The following NALF1 variants were observed in gnomAD, a reference collection of about 807,000 sequenced individuals.
NALF1 encodes the protein NALCN channel auxiliary factor 1, also known as family with sequence similarity 155 member A.
A neutral mutation model predicts 48.4 loss-of-function variants in NALF1; 3 were observed. The ratio of observed to expected loss-of-function variants is 0.06; its 90% CI spans 0.03 to 0.16. NALF1 has a LOEUF of 0.16. NALF1 is among the 10% of genes least tolerant of loss of function. The probability of loss-of-function intolerance (pLI) is 1.00; values close to 1 mark genes in which losing one functional copy is unlikely to be tolerated. For synonymous variants in NALF1, 262 were observed against 245.7 expected (o/e 1.07, Z -0.62); for missense variants, 526 against 571.5 (o/e 0.92, Z 0.81).
At chr13:107,417,869 T>C (rs1265748246) in intron 1 of NALF1, among the ~76,000 whole-genome samples, 2 of 152,146 alleles carry the variant, frequency 1.3e-5, no homozygotes, top group Non-Finnish European at 2.9e-5. Flanking sequence ...AAGAACAGCC[T>C]GGCCAACATG....
chr13:107,555,196 G>A (rs1011950828), intron 1 of NALF1, among the ~76,000 whole-genome samples: 2 of 151,894 alleles, frequency 1.3e-5, no homozygotes, highest in African/African-American at 4.8e-5. Flanking sequence ...TGGATATTAC[G>A]CATTTCTTCA....
At chr13:107,788,129 T>C (rs971157538) in intron 1 of NALF1, among the ~76,000 whole-genome samples, 1 of 152,188 alleles carries the variant, frequency 6.6e-6, no homozygotes, top group African/African-American at 2.4e-5. Flanking sequence ...TCATCCTCCT[T>C]GTTTGAATCC....
chr13:107,636,189 C>T (rs1352959343), intron 1 of NALF1, among the ~76,000 whole-genome samples: 1 of 152,040 alleles, frequency 6.6e-6, no homozygotes, highest in Non-Finnish European at 1.5e-5. Flanking sequence ...TCCTGCACAG[C>T]GAAGAAGCAG....
intron 1 of NALF1, among the ~76,000 whole-genome samples, chr13:107,842,115 A>G (rs1880059229): frequency 6.6e-6 from 1 of 152,062 alleles, no homozygotes; most frequent in Admixed American, 6.6e-5. Flanking sequence ...GTGTATAATA[A>G]GGTAAAACAA....
At chr13:107,272,158 A>G (rs559175351) in intron 1 of NALF1, among the ~76,000 whole-genome samples, 1 of 152,122 alleles carries the variant, frequency 6.6e-6, no homozygotes, top group South Asian at 2.1e-4. Flanking sequence ...CGTATATAAA[A>G]TTAACATGTT....
intron 1 of NALF1, among the ~76,000 whole-genome samples, chr13:107,499,695 G>T (rs1043248221): frequency 1.3e-5 from 2 of 151,940 alleles, no homozygotes; most frequent in African/African-American, 4.8e-5. Context: ...AAGACCCAAG[G>T]GAAAAAATAA....
chr13:107,311,184 G>C (rs1216830782), intron 1 of NALF1, among the ~76,000 whole-genome samples: 2 of 151,998 alleles, frequency 1.3e-5, no homozygotes, highest in African/African-American at 4.8e-5. Context: ...TTTGCTTGAA[G>C]GTACTTCATC....
At chr13:107,324,251 CTAATCAAAGACG>C (rs1882307969) in intron 1 of NALF1, among the ~76,000 whole-genome samples, 1 of 152,130 alleles carries the variant, frequency 6.6e-6, no homozygotes, top group Non-Finnish European at 1.5e-5. Context: ...TCTCATACTT[CTAATCAAAGACG>C]TATTTCAAAA....
At chr13:107,199,271 C>T (rs115713784) in intron 2 of NALF1, among the ~76,000 whole-genome samples, 1,904 of 152,278 alleles carry the variant, frequency 0.013, 28 homozygotes, top group African/African-American at 0.044. Context: ...AAGGCAGTGT[C>T]TACAGGCCAA....
intron 1 of NALF1, among the ~76,000 whole-genome samples, chr13:107,865,133 T>C (rs1331199889): frequency 1.3e-5 from 2 of 152,194 alleles, no homozygotes; most frequent in East Asian, 1.9e-4. Context: ...GCCCCCAGAC[T>C]TTCTGAACAA....
intron 1 of NALF1, among the ~76,000 whole-genome samples, chr13:107,346,177 G>C (rs1402980085): frequency 6.6e-6 from 1 of 151,884 alleles, no homozygotes; most frequent in African/African-American, 2.4e-5. Flanking sequence ...GGGCGGGGGG[G>C]CAGATTGTAA....
At chr13:107,448,775 G>C (rs895979281) in intron 1 of NALF1, among the ~76,000 whole-genome samples, 1 of 152,174 alleles carries the variant, frequency 6.6e-6, no homozygotes, top group Non-Finnish European at 1.5e-5. Context: ...TGGCACAATA[G>C]ATATACAAAT....
intron 1 of NALF1, among the ~76,000 whole-genome samples, chr13:107,548,817 T>C (rs1358604546): frequency 2.6e-5 from 4 of 151,428 alleles, no homozygotes; most frequent in South Asian, 4.2e-4. Flanking sequence ...CACACACACG[T>C]GTGTGTGTGT....
In NALF1 at chr13:107,210,768, G is replaced by C. The variant is rs780433791; in HGVS notation, c.916-13C>G. ...CTTTGTAGACAATCTGAAAAAAAGAGAAGAATGAAAAATATAGAGGCGTGA... is the reference window on the plus strand; with the variant it reads ...CTTTGTAGACAATCTGAAAAAAAGACAAGAATGAAAAATATAGAGGCGTGA... On this transcript the variant is annotated splice_polypyrimidine_tract_variant and intron_variant, in intron 1 of 2. Coordinates refer to ENST00000375915, the MANE Select transcript of NALF1 (RefSeq NM_001080396.3). 1.1e-5 allele frequency: 17 copies of C among 1,601,528 alleles called. No homozygotes were observed. In the Admixed American group the frequency reaches 1.7e-4, roughly 16 times the overall value.
chr13:107,602,709 A>C (rs2138425808), intron 1 of NALF1, among the ~76,000 whole-genome samples: 1 of 152,344 alleles, frequency 6.6e-6, no homozygotes. Context: ...TTAATTCATT[A>C]AATTATTCCT....
chr13:107,731,211 T>A (rs1876299410), intron 1 of NALF1, among the ~76,000 whole-genome samples: 1 of 152,134 alleles, frequency 6.6e-6, no homozygotes, highest in South Asian at 2.1e-4. Flanking sequence ...GTATCTCATA[T>A]CTTCACAAAG....
chr13:107,848,888 A>T (rs1330856744), intron 1 of NALF1, among the ~76,000 whole-genome samples: 1 of 152,222 alleles, frequency 6.6e-6, no homozygotes. Flanking sequence ...AAAAGAATTC[A>T]GTCAAATACA....
intron 1 of NALF1, among the ~76,000 whole-genome samples, chr13:107,250,916 T>C (rs1002862660): frequency 6.6e-6 from 1 of 152,166 alleles, no homozygotes; most frequent in Admixed American, 6.5e-5. Context: ...CCATGTAGTA[T>C]GTACCTGCTT....
chr13:107,514,056 G>C (rs777144713), intron 1 of NALF1, among the ~76,000 whole-genome samples: 1 of 152,188 alleles, frequency 6.6e-6, no homozygotes, highest in African/African-American at 2.4e-5. Flanking sequence ...GCCGCTCCTA[G>C]AGACTCAGAG....
Sources: gnomAD v4.1 joint callset for allele counts (sites outside exome capture counted in the v4.1 genomes callset) on GRCh38, gnomAD v4.1.1 for gene constraint, MANE v1.5 for transcripts, NCBI Gene and HGNC (gene_info 2026-07-23, HGNC 2026-07-21) for gene names.